FBXL7: variants seen among roughly 807,000 people sequenced by gnomAD.
FBXL7 encodes F-box and leucine rich repeat protein 7.
In FBXL7, 12 loss-of-function variants were observed where a neutral mutation model predicts 38.3. The observed-to-expected ratio is 0.31, with a 90% CI of 0.20 to 0.51. FBXL7 has a LOEUF of 0.51. Ranked by LOEUF, FBXL7 falls within the 20% of genes least tolerant of loss-of-function variation. The pLI is 0.98. For synonymous variants in FBXL7, 297 were observed against 300.9 expected (o/e 0.99, Z 0.13); for missense variants, 567 against 676.4 (o/e 0.84, Z 1.79).
At chr5:15,889,846 G>T (rs139733974) in intron 2 of FBXL7, among the ~76,000 whole-genome samples, 2 of 152,220 alleles carry the variant, frequency 1.3e-5, no homozygotes, top group East Asian at 3.9e-4. Flanking sequence ...TCATTCAACA[G>T]CTATTCCCAA....
At chr5:15,595,413 G>A (rs551728661) in intron 1 of FBXL7, among the ~76,000 whole-genome samples, 3 of 152,242 alleles carry the variant, frequency 2.0e-5, no homozygotes, top group South Asian at 4.1e-4. Flanking sequence ...AGACCAGATC[G>A]GCTGAGGTAC....
chr5:15,569,872 G>GT (rs1738712515), intron 1 of FBXL7, among the ~76,000 whole-genome samples: 1 of 152,214 alleles, frequency 6.6e-6, no homozygotes, highest in Admixed American at 6.5e-5. Flanking sequence ...CGTTGGTTCT[G>GT]TTTGTATGCT....
intron 2 of FBXL7, among the ~76,000 whole-genome samples, chr5:15,743,084 C>T (rs1018654957): frequency 1.3e-5 from 2 of 152,156 alleles, no homozygotes; most frequent in East Asian, 3.9e-4. Context: ...TGGGTGAAGA[C>T]ACAGCCAAAC....
intron 2 of FBXL7, among the ~76,000 whole-genome samples, chr5:15,843,537 C>CT (rs1338333354): frequency 6.6e-6 from 1 of 152,148 alleles, no homozygotes; most frequent in African/African-American, 2.4e-5. Context: ...GCCCCATAGT[C>CT]TAAGAATGCA....
intron 2 of FBXL7, among the ~76,000 whole-genome samples, chr5:15,629,927 G>C (rs1740943432): frequency 6.6e-6 from 1 of 151,992 alleles, no homozygotes; most frequent in African/African-American, 2.4e-5. Flanking sequence ...TTTAAAAAAA[G>C]CTTAATGTTA....
chr5:15,724,073 A>G (rs1018663081), intron 2 of FBXL7, among the ~76,000 whole-genome samples: 1 of 152,130 alleles, frequency 6.6e-6, no homozygotes, highest in Non-Finnish European at 1.5e-5. Flanking sequence ...TTATTTTGTA[A>G]ATTTCACCCA....
rs1413767858 is a variant in FBXL7 at position 15,928,671 on chromosome 5, TG to T, written c.739+172del. Among the ~76,000 whole-genome samples the T allele has an allele frequency of 6.6e-6, 1 of 151,988 alleles. No homozygotes were observed. Among genetic ancestry groups the T allele is most frequent in the Non-Finnish European group, 1.5e-5 (1 of 68,004 alleles). ...AACTGTCTCTATGGAATCATGACCCTGGAGGCCACAAGTTTCCCTTTCATCA... is the reference window on the plus strand; with the variant it reads ...AACTGTCTCTATGGAATCATGACCCTGAGGCCACAAGTTTCCCTTTCATCA... On this transcript the variant is annotated intron_variant, in intron 3 of 3. Transcript: ENST00000504595. This position sits in a 1 kb window ranked among gnomAD's most constrained non-coding sequence, Gnocchi z 4.0.
intron 2 of FBXL7, among the ~76,000 whole-genome samples, chr5:15,788,656 C>T (rs1341040066): frequency 6.6e-6 from 1 of 151,994 alleles, no homozygotes; most frequent in Non-Finnish European, 1.5e-5. Context: ...ACGTCACTCA[C>T]TCCAACATTC....
In FBXL7 at chr5:15,608,841, C is replaced by T. The variant is rs184968563; in HGVS notation, c.38-7142C>T. Among the ~76,000 whole-genome samples the T allele has an allele frequency of 3.3e-5, 5 of 152,310 alleles. No homozygotes were observed. The East Asian group carries it at 9.6e-4, about 29-fold the overall frequency. ...ATATTCACACATGCATACACATACA[C>T]ATATGTAACCTCCATTGGTTCTGTT... On this transcript the variant is annotated intron_variant, in intron 1 of 3. Transcript: ENST00000504595.
intron 2 of FBXL7, among the ~76,000 whole-genome samples, chr5:15,696,496 C>G (rs1242298591): frequency 6.6e-6 from 1 of 152,094 alleles, no homozygotes; most frequent in African/African-American, 2.4e-5. Flanking sequence ...GACCTAAATT[C>G]TTGTTAATTA....
At chr5:15,746,401 G>A (rs1289269193) in intron 2 of FBXL7, among the ~76,000 whole-genome samples, 1 of 152,158 alleles carries the variant, frequency 6.6e-6, no homozygotes, top group Non-Finnish European at 1.5e-5. Flanking sequence ...CATAGACTGG[G>A]TGGGTTATAC....
intron 2 of FBXL7, among the ~76,000 whole-genome samples, chr5:15,888,521 C>T (rs1740775231): frequency 6.6e-6 from 1 of 152,114 alleles, no homozygotes; most frequent in Admixed American, 6.5e-5. Context: ...GAGCTATAAA[C>T]ACCACCTCAA....
intron 1 of FBXL7, among the ~76,000 whole-genome samples, chr5:15,557,937 A>G (rs1311236828): frequency 6.6e-6 from 1 of 152,224 alleles, no homozygotes; most frequent in Non-Finnish European, 1.5e-5. Context: ...TATAGGAATT[A>G]CCTAAAATAG....
chr5:15,644,211 C>T (rs1468520609), intron 2 of FBXL7, among the ~76,000 whole-genome samples: 1 of 150,876 alleles, frequency 6.6e-6, no homozygotes, highest in Non-Finnish European at 1.5e-5. Context: ...GTAATCCCAG[C>T]ACTTTGGGAG....
chr5:15,831,962 A>T (rs917278071), intron 2 of FBXL7, among the ~76,000 whole-genome samples: 5 of 152,058 alleles, frequency 3.3e-5, no homozygotes, highest in African/African-American at 1.2e-4. Context: ...AGTCCTTCCC[A>T]TCGCTGGCCT....
chr5:15,880,750 T>C (rs1237071044), intron 2 of FBXL7, among the ~76,000 whole-genome samples: 1 of 146,022 alleles, frequency 6.8e-6, no homozygotes, highest in Non-Finnish European at 1.5e-5. Context: ...AAGTAATATA[T>C]ACTTAGTAAA....
intron 2 of FBXL7, among the ~76,000 whole-genome samples, chr5:15,745,622 T>C (rs1229026215): frequency 6.6e-6 from 1 of 152,094 alleles, no homozygotes; most frequent in Non-Finnish European, 1.5e-5. Context: ...TGCATATGTC[T>C]AGGAAAAAAA....
At chr5:15,611,149 G>A (rs1740219385) in intron 1 of FBXL7, among the ~76,000 whole-genome samples, 1 of 152,058 alleles carries the variant, frequency 6.6e-6, no homozygotes, top group African/African-American at 2.4e-5. Flanking sequence ...ATTAATCCTT[G>A]AGGCACTTTT....
intron 2 of FBXL7, among the ~76,000 whole-genome samples, chr5:15,875,322 C>G (rs532139676): frequency 6.6e-6 from 1 of 152,152 alleles, no homozygotes; most frequent in Non-Finnish European, 1.5e-5. Context: ...AGAAGAAAAC[C>G]TAGGCAATAC....
Sources: allele counts gnomAD v4.1 joint callset (sites outside exome capture counted in the v4.1 genomes callset), GRCh38; gene constraint gnomAD v4.1.1; non-coding constraint Gnocchi (gnomAD v3.1); transcripts MANE v1.5; gene names NCBI Gene and HGNC (gene_info 2026-07-23, HGNC 2026-07-21).